Variants in USP34 observed in about 807,000 individuals in gnomAD.
USP34 encodes ubiquitin carboxyl-terminal hydrolase 34.
In USP34, 70 loss-of-function variants were observed where a neutral mutation model predicts 460.3. The ratio of observed to expected loss-of-function variants is 0.15; its 90% CI spans 0.13 to 0.19. The LOEUF is 0.19. USP34 is among the 10% of genes least tolerant of loss of function. The pLI is 1.00. For synonymous variants in USP34, 1,647 were observed against 1,405.3 expected (o/e 1.17, Z -3.85); for missense variants, 3,985 against 4,236.2 (o/e 0.94, Z 1.65).
chr2:61,372,842 C>T (rs1035829530), intron 8 of USP34, among the ~76,000 whole-genome samples: 3 of 151,958 alleles, frequency 2.0e-5, no homozygotes, highest in Admixed American at 6.6e-5. Flanking sequence ...GGAAGAGGTG[C>T]CAGAAAAAAT....
intron 1 of USP34, among the ~76,000 whole-genome samples, chr2:61,437,465 G>C (rs1025169795): frequency 6.6e-6 from 1 of 152,066 alleles, no homozygotes; most frequent in African/African-American, 2.4e-5. Flanking sequence ...AATCTACTAA[G>C]ATTGAACCAA....
At chr2:61,258,735 G>T (rs964217598) in intron 44 of USP34, among the ~76,000 whole-genome samples, 1 of 152,096 alleles carries the variant, frequency 6.6e-6, no homozygotes, top group Non-Finnish European at 1.5e-5. Flanking sequence ...TTAAGCAGGG[G>T]AATAATATTG....
At chr2:61,424,827 G>T (rs1436522563) in intron 1 of USP34, among the ~76,000 whole-genome samples, 1 of 152,042 alleles carries the variant, frequency 6.6e-6, no homozygotes, top group Non-Finnish European at 1.5e-5. Flanking sequence ...GTAGTTTAAT[G>T]GAAGCCACTG....
At chr2:61,306,662 C>T (rs1690414194) in intron 27 of USP34, among the ~76,000 whole-genome samples, 1 of 151,988 alleles carries the variant, frequency 6.6e-6, no homozygotes, top group Non-Finnish European at 1.5e-5. Flanking sequence ...GTCAGTATGG[C>T]CAGACACTTC....
intron 49 of USP34, among the ~76,000 whole-genome samples, chr2:61,247,656 T>C (rs1688452931): frequency 6.6e-6 from 1 of 152,254 alleles, no homozygotes; most frequent in African/African-American, 2.4e-5. Flanking sequence ...AGCCTCCTAA[T>C]AGCTGTGACC....
At chr2:61,361,526 T>C (rs1269199659) in intron 10 of USP34, among the ~76,000 whole-genome samples, 1 of 152,158 alleles carries the variant, frequency 6.6e-6, no homozygotes, top group African/African-American at 2.4e-5. Context: ...AATCAACTGA[T>C]CTTCCAGAAG....
intron 1 of USP34, among the ~76,000 whole-genome samples, chr2:61,447,254 CAAAAAA>C (rs763711140): frequency 1.2e-4 from 7 of 59,672 alleles, no homozygotes; most frequent in East Asian, 1.5e-3. Context: ...AACTGTCTTC[CAAAAAA>C]AAAAAAAAAA....
At chr2:61,446,488 CTGTT>C (rs1237823580) in intron 1 of USP34, among the ~76,000 whole-genome samples, 1 of 152,134 alleles carries the variant, frequency 6.6e-6, no homozygotes, top group African/African-American at 2.4e-5. Flanking sequence ...TAAGTACTGT[CTGTT>C]ACATTAAAAT....
chr2:61,446,151 A>G (rs992729678), intron 1 of USP34, among the ~76,000 whole-genome samples: 1 of 151,630 alleles, frequency 6.6e-6, no homozygotes, highest in African/African-American at 2.4e-5. Flanking sequence ...TAAAACTTAG[A>G]AATGTCTACA....
At position 61,378,375 on chromosome 2, in the gene USP34, G is replaced by A. The variant is rs1317764083; in HGVS notation, c.1064C>T (p.Ser355Leu). The change falls in exon 8 of 80, where the codon TCG (serine) becomes TTG (leucine). Residue 355 changes from serine to leucine, a missense_variant. Physicochemically the swap from Ser to Leu is moderately radical, Grantham distance 145. Around this residue, in one of 14 missense-constraint regions of USP34, gnomAD observed 716 missense variants for 626.2 expected, o/e 1.14. Coordinates refer to ENST00000398571, the MANE Select transcript of USP34 (RefSeq NM_014709.4). The stretch of plus-strand genomic sequence containing the variant: ...TGCTCCTACTTACGTTTCTGTGTCC[G>A]ATACTAATGATTCATTATTGCACAC... ...NDVCNNESLV[S>L]DTETSIAKEL... 15 of 1,593,302 alleles carry A rather than the reference G, an allele frequency of 9.4e-6. No homozygotes were observed. Among genetic ancestry groups the A allele is most frequent in the African/African-American group, 4.1e-5 (3 of 73,682 alleles).
Position 61,187,912 on chromosome 2 carries a change from G to A in USP34, c.*190C>T. 1 of 1,421,586 alleles carries A rather than the reference G, an allele frequency of 7.0e-7. No individual in the cohort carries two copies. The highest frequency in any genetic ancestry group is 9.2e-7 in the Non-Finnish European group (1 of 1,085,222). The allele number at this position is 1,421,586 out of a possible 1,614,324, so 88.1% of individuals were successfully genotyped here. ...CCATTATCTGATTGCCCTTTAGGAAGTATACTGAAGATGCAAGTTTTTTTC... is the reference window on the plus strand; with the variant it reads ...CCATTATCTGATTGCCCTTTAGGAAATATACTGAAGATGCAAGTTTTTTTC... On this transcript the variant is annotated 3_prime_UTR_variant, in exon 80 of 80. Coordinates refer to ENST00000398571, the MANE Select transcript of USP34 (RefSeq NM_014709.4).
chr2:61,444,238 C>A (rs1035816841), intron 1 of USP34, among the ~76,000 whole-genome samples: 1 of 151,990 alleles, frequency 6.6e-6, no homozygotes, highest in African/African-American at 2.4e-5. Flanking sequence ...CAGAGCAAAA[C>A]CCTGTCCCAA....
rs57231258 is a variant in USP34 at position 61,229,457 on chromosome 2, T to TAAAAAAAAAAAA, written c.7199+79_7199+90dup. The TAAAAAAAAAAAA allele has an allele frequency of 2.2e-4, 85 of 382,042 alleles. 10 individuals are homozygous for TAAAAAAAAAAAA. Among genetic ancestry groups the TAAAAAAAAAAAA allele is most frequent in the Middle Eastern group, 7.2e-4 (1 of 1,396 alleles). 23.7% of individuals were successfully genotyped at this position (382,042 alleles called of 1,614,324 possible). A position where few individuals can be genotyped will look rare whatever the true frequency, so the allele number is the denominator to read the frequency against. On this transcript the variant is annotated intron_variant, in intron 59 of 79. Transcript: ENST00000398571. ...GGCAACATGAAGAAACCCTATCTCT[T>TAAAAAAAAAAAA]AAAAAAAAAAAAAAAAAACAAAAAA...
chr2:61,346,868 T>A (rs1027752908), intron 15 of USP34, among the ~76,000 whole-genome samples: 1 of 135,934 alleles, frequency 7.4e-6, no homozygotes, highest in African/African-American at 2.8e-5. Context: ...CCGGGCCTGG[T>A]GGCTCACACC....
chr2:61,267,289 G>A (rs1689077623), intron 41 of USP34, among the ~76,000 whole-genome samples: 1 of 152,136 alleles, frequency 6.6e-6, no homozygotes, highest in African/African-American at 2.4e-5. Context: ...GGTGGTCAGG[G>A]AAACTCTTGA....
chr2:61,390,889 G>C lies in USP34; in HGVS notation c.753+3964C>G, dbSNP rs553843617. Among the ~76,000 whole-genome samples, 240 of 152,016 alleles carry C rather than the reference G, an allele frequency of 1.6e-3. 1 individual carries two copies. The highest frequency in any genetic ancestry group is 5.4e-3 in the African/African-American group (223 of 41,462). On this transcript the variant is annotated intron_variant, in intron 5 of 79. Coordinates refer to ENST00000398571, the MANE Select transcript of USP34 (RefSeq NM_014709.4). ...AGGTGGGGGCATCGCAAGGTCAAGA[G>C]ATTGAGACCATCCTGGCCAACATGG... is the stretch of plus-strand genomic sequence containing the variant.
intron 48 of USP34, chr2:61,250,559 C>A: frequency 6.3e-6 from 1 of 159,666 alleles, no homozygotes; most frequent in South Asian, 1.9e-4. Flanking sequence ...GCTGTTCTCT[C>A]ATTTACTGGC....
intron 18 of USP34, among the ~76,000 whole-genome samples, chr2:61,335,815 T>TTA (rs1691398753): frequency 6.6e-6 from 1 of 152,162 alleles, no homozygotes; most frequent in African/African-American, 2.4e-5. Flanking sequence ...AATAATCCTA[T>TTA]TATACTGAAT....
In USP34 at chr2:61,314,972, C is replaced by A; in HGVS notation, c.3285G>T (p.Leu1095=). 1 of 1,606,986 alleles carries A rather than the reference C, an allele frequency of 6.2e-7. No homozygotes were observed. The highest frequency in any genetic ancestry group is 8.5e-7 in the Non-Finnish European group (1 of 1,178,032). ...SAYDGCSNSE[L]CGMDQFWGIA... The stretch of plus-strand genomic sequence containing the variant: ...TGCCCCAAAATTGGTCCATACCACA[C>A]AGCTAAGAAAGAAAAATATGGTATC... Residue 1095 remains leucine, a splice_region_variant and synonymous_variant, in exon 24 of 80, where the codon CTG becomes CTT. Coordinates refer to ENST00000398571, the MANE Select transcript of USP34 (RefSeq NM_014709.4).
Sources: allele counts gnomAD v4.1 joint callset (sites outside exome capture counted in the v4.1 genomes callset), GRCh38; gene constraint gnomAD v4.1.1; regional missense constraint gnomAD v4.1.1; transcripts MANE v1.5; gene names NCBI Gene and HGNC (gene_info 2026-07-23, HGNC 2026-07-21).